Variants in VAPA observed in about 807,000 individuals in gnomAD.
VAPA encodes VAMP associated protein A, also known as vesicle-associated membrane protein-associated protein A.
In VAPA, 6 loss-of-function variants were observed where a neutral mutation model predicts 25.6. That is an observed-to-expected ratio of 0.23 (90% confidence interval 0.13 to 0.46). The LOEUF (loss-of-function observed/expected upper bound fraction) is 0.46, where lower values mean the gene tolerates loss of function less well. Among genes scored for constraint, VAPA ranks in the 20% least tolerant of loss-of-function variants. VAPA has a pLI of 0.99. For synonymous variants in VAPA, 112 were observed against 106.2 expected (o/e 1.05, Z -0.34); for missense variants, 244 against 302.1 (o/e 0.81, Z 1.43).
At position 9,959,600 on chromosome 18, in the gene VAPA, G is replaced by A. The variant is rs559720762; in HGVS notation, c.*5389G>A. On this transcript the variant is annotated 3_prime_UTR_variant, in exon 6 of 6. Transcript: ENST00000400000. ...AATTGACTTTGTGGTCTAAATTCTT[G>A]ATACTGTTTATAATTCTACAAAGAA... The A allele has an allele frequency of 6.6e-6, 1 of 151,856 alleles. No homozygotes were observed. The highest frequency in any genetic ancestry group is 6.6e-5 in the Admixed American group (1 of 15,232). The allele number at this position is 151,856 out of a possible 1,614,324, so 9.4% of individuals were successfully genotyped here. A position where few individuals can be genotyped will look rare whatever the true frequency, so the allele number is the denominator to read the frequency against.
At chr18:9,940,449 C>T (rs1222352817) in intron 4 of VAPA, among the ~76,000 whole-genome samples, 3 of 152,096 alleles carry the variant, frequency 2.0e-5, no homozygotes, top group Non-Finnish European at 2.9e-5. Flanking sequence ...ATCAAACTTT[C>T]TGTTCATTTT....
chr18:9,916,608 T>C (rs968304363), intron 1 of VAPA, among the ~76,000 whole-genome samples: 8 of 152,198 alleles, frequency 5.3e-5, no homozygotes, highest in African/African-American at 1.9e-4. Context: ...GATTCCTTAA[T>C]ATTATCGTTT....
intron 2 of VAPA, among the ~76,000 whole-genome samples, chr18:9,935,804 A>G (rs29154): frequency 0.068 from 10,382 of 152,292 alleles, 597 homozygotes; most frequent in African/African-American, 0.15. Flanking sequence ...ATAGATTCAT[A>G]TTTAATTTTT....
chr18:9,925,277 A>G (rs1001742110), intron 1 of VAPA, among the ~76,000 whole-genome samples: 1 of 151,708 alleles, frequency 6.6e-6, no homozygotes, highest in African/African-American at 2.4e-5. Flanking sequence ...ATATGTTTGT[A>G]TAATTGTATA....
intron 1 of VAPA, among the ~76,000 whole-genome samples, chr18:9,918,962 A>G (rs578173237): frequency 9.2e-4 from 140 of 152,228 alleles, no homozygotes; most frequent in African/African-American, 3.1e-3. Flanking sequence ...AGTGGCATGC[A>G]CGTTCTTGGC....
intron 2 of VAPA, among the ~76,000 whole-genome samples, chr18:9,933,254 G>A (rs1352032493): frequency 6.6e-6 from 1 of 152,084 alleles, no homozygotes; most frequent in Non-Finnish European, 1.5e-5. Context: ...TTTAGAGGTG[G>A]AGCCTGACTA....
Position 9,931,908 on chromosome 18 carries a change from T to G in VAPA, c.178T>G (p.Cys60Gly). 6.2e-7 allele frequency: 1 copy of G among 1,612,306 alleles called. No homozygotes were observed. Among genetic ancestry groups the G allele is most frequent in the Non-Finnish European group, 8.5e-7 (1 of 1,178,876 alleles). ...GAAGACTACAGCACCTCGCCGGTAC[T>G]GTGTGAGGCCCAACAGTGGAATTAT... is the stretch of plus-strand genomic sequence containing the variant. ...KVKTTAPRRY[C>G]VRPNSGIIDP... Residue 60 changes from cysteine to glycine, a missense_variant, in exon 2 of 6, where the codon TGT becomes GGT. By Grantham distance (159) the Cys-to-Gly change is radical (BLOSUM62 -3). Coordinates refer to ENST00000400000, the MANE Select transcript of VAPA (RefSeq NM_194434.3).
rs2069576544 is a variant in VAPA at position 9,958,710 on chromosome 18, T to C, written c.*4499T>C. ...CTTGACTTCAGCAATACAGGGGAAC[T>C]TAAAATACTTATTTTTCTTTAAACT... On this transcript the variant is annotated 3_prime_UTR_variant, in exon 6 of 6. Transcript: ENST00000400000. The C allele has an allele frequency of 1.3e-5, 2 of 152,184 alleles. No homozygotes were observed. Among genetic ancestry groups the C allele is most frequent in the South Asian group, 4.1e-4 (2 of 4,832 alleles). 9.4% of individuals were successfully genotyped at this position (152,184 alleles called of 1,614,324 possible). A position where few individuals can be genotyped will look rare whatever the true frequency, so the allele number is the denominator to read the frequency against.
chr18:9,942,433 T>C (rs1470173015), intron 4 of VAPA, among the ~76,000 whole-genome samples: 1 of 151,916 alleles, frequency 6.6e-6, no homozygotes, highest in African/African-American at 2.4e-5. Context: ...TTATGATTTT[T>C]TTTTAGTGTG....
intron 5 of VAPA, among the ~76,000 whole-genome samples, chr18:9,952,383 G>A (rs187395090): frequency 6.6e-6 from 1 of 151,948 alleles, no homozygotes; most frequent in South Asian, 2.1e-4. Context: ...CCTGGCCAAC[G>A]TGGTGAAACC....
intron 1 of VAPA, among the ~76,000 whole-genome samples, chr18:9,916,796 GA>G (rs2069115334): frequency 6.6e-6 from 1 of 152,160 alleles, no homozygotes; most frequent in Non-Finnish European, 1.5e-5. Flanking sequence ...AGGACTTTTA[GA>G]AGACAGTTTT....
intron 4 of VAPA, among the ~76,000 whole-genome samples, chr18:9,946,894 A>T (rs1391192322): frequency 6.6e-6 from 1 of 152,230 alleles, no homozygotes; most frequent in African/African-American, 2.4e-5. Context: ...ATAAATAAAA[A>T]TATCTTTTTA....
In VAPA at chr18:9,914,039, G is replaced by C. The variant is rs920034961; in HGVS notation, c.-218G>C. 4 of 471,198 alleles carry C rather than the reference G, an allele frequency of 8.5e-6. No individual in the cohort carries two copies. Among genetic ancestry groups the C allele is most frequent in the Non-Finnish European group, 1.5e-5 (4 of 265,112 alleles). The allele number at this position is 471,198 out of a possible 1,614,324, so 29.2% of individuals were successfully genotyped here. On this transcript the variant is annotated 5_prime_UTR_variant, in exon 1 of 6. Coordinates refer to ENST00000400000, the MANE Select transcript of VAPA (RefSeq NM_194434.3). ...CCGAGGCTCGCAAGTGCGCGTGGCC[G>C]TGGCGGCTGGTGTGGGGTTGAGTCA...
chr18:9,940,194 T>C (rs1397225120), intron 4 of VAPA, among the ~76,000 whole-genome samples: 2 of 152,242 alleles, frequency 1.3e-5, no homozygotes, highest in Non-Finnish European at 2.9e-5. Flanking sequence ...AATTTAAACA[T>C]ATTTGAGTTT....
At position 9,956,246 on chromosome 18, in the gene VAPA, C is replaced by G. The variant is rs1259375230; in HGVS notation, c.*2035C>G. 6.6e-6 allele frequency: 1 copy of G among 152,180 alleles called. No individual in the cohort carries two copies. The highest frequency in any genetic ancestry group is 2.4e-5 in the African/African-American group (1 of 41,444). 9.4% of individuals were successfully genotyped at this position (152,180 alleles called of 1,614,324 possible). ...GAACTAGATATCTGGTCTGTTGACTCTAGCTCAGTGTCTTCTGGTAACTGT... is the reference window on the plus strand; with the variant it reads ...GAACTAGATATCTGGTCTGTTGACTGTAGCTCAGTGTCTTCTGGTAACTGT... On this transcript the variant is annotated 3_prime_UTR_variant, in exon 6 of 6. Coordinates refer to ENST00000400000, the MANE Select transcript of VAPA (RefSeq NM_194434.3).
In VAPA at chr18:9,959,746, AATG is replaced by A. The variant is rs1487709418; in HGVS notation, c.*5536_*5538del. The A allele has an allele frequency of 5.7e-5, 8 of 140,988 alleles. No individual in the cohort carries two copies. Among genetic ancestry groups the A allele is most frequent in the African/African-American group, 1.8e-4 (7 of 39,010 alleles). The allele number at this position is 140,988 out of a possible 1,614,324, so 8.7% of individuals were successfully genotyped here. A position where few individuals can be genotyped will look rare whatever the true frequency, so the allele number is the denominator to read the frequency against. On this transcript the variant is annotated 3_prime_UTR_variant, in exon 6 of 6. Transcript: ENST00000400000. ...CAAAAAAAAAAAAAAAAAAAAAAAAAATGTGGAGGGTTGAAATGGTAAGGAATT... is the reference window on the plus strand; with the variant it reads ...CAAAAAAAAAAAAAAAAAAAAAAAAATGGAGGGTTGAAATGGTAAGGAATT...
Position 9,957,301 on chromosome 18 carries a change from G to T in VAPA, c.*3090G>T, listed in dbSNP as rs891407540. The T allele has an allele frequency of 1.3e-5, 2 of 152,202 alleles. No homozygotes were observed. The highest frequency in any genetic ancestry group is 2.9e-5 in the Non-Finnish European group (2 of 68,062). 9.4% of individuals were successfully genotyped at this position (152,202 alleles called of 1,614,324 possible). The stretch of plus-strand genomic sequence containing the variant: ...GCCTCCCAAAGTGCTGGGATTACAG[G>T]TGTGAGCTGCCGCACCCAGCCAAGA... On this transcript the variant is annotated 3_prime_UTR_variant, in exon 6 of 6. Coordinates refer to ENST00000400000, the MANE Select transcript of VAPA (RefSeq NM_194434.3).
At chr18:9,953,535 T>A (rs983195081) in intron 5 of VAPA, among the ~76,000 whole-genome samples, 1 of 152,200 alleles carries the variant, frequency 6.6e-6, no homozygotes, top group African/African-American at 2.4e-5. Context: ...CACCCTTTTG[T>A]GCCTCTGCTG....
intron 1 of VAPA, among the ~76,000 whole-genome samples, chr18:9,930,138 G>A (rs1305385235): frequency 1.3e-5 from 2 of 152,070 alleles, no homozygotes; most frequent in Admixed American, 1.3e-4. Context: ...AAATTGGGGA[G>A]AATTAAATTA....
Sources: allele counts gnomAD v4.1 joint callset (sites outside exome capture counted in the v4.1 genomes callset), GRCh38; gene constraint gnomAD v4.1.1; transcripts MANE v1.5; gene names NCBI Gene and HGNC (gene_info 2026-07-23, HGNC 2026-07-21).